CNTNAP2: variants seen among roughly 807,000 people sequenced by gnomAD.
CNTNAP2 encodes contactin-associated protein-like 2.
In CNTNAP2, 98 loss-of-function variants were observed where a neutral mutation model predicts 155.2. The observed-to-expected ratio is 0.63, with a 90% confidence interval of 0.54 to 0.75. CNTNAP2 has a LOEUF of 0.75. Ranked by LOEUF, CNTNAP2 falls within the 30% of genes least tolerant of loss-of-function variation. The pLI is 0.00. For missense variants in CNTNAP2, 1,727 were observed against 1,688.1 expected (o/e 1.02, Z -0.40); for synonymous variants, 651 against 631.2 (o/e 1.03, Z -0.47).
intron 1 of CNTNAP2, among the ~76,000 whole-genome samples, chr7:146,300,705 T>C (rs1444380557): frequency 6.6e-6 from 1 of 151,984 alleles, no homozygotes; most frequent in Non-Finnish European, 1.5e-5. Context: ...GGAGACATAA[T>C]TTGGAAATTT....
At chr7:148,158,569 G>A (rs190573677) in intron 17 of CNTNAP2, among the ~76,000 whole-genome samples, 4 of 152,200 alleles carry the variant, frequency 2.6e-5, no homozygotes, top group Admixed American at 2.6e-4. Context: ...AATCAACAGT[G>A]TACTTTTAAT....
At chr7:146,960,426 T>C (rs1366900204) in intron 3 of CNTNAP2, among the ~76,000 whole-genome samples, 5 of 152,186 alleles carry the variant, frequency 3.3e-5, no homozygotes, top group African/African-American at 1.2e-4. Context: ...TCCTGTACTT[T>C]TCTGTGCAGT....
intron 1 of CNTNAP2, among the ~76,000 whole-genome samples, chr7:146,233,463 T>TC (rs1554405481): frequency 6.8e-5 from 5 of 74,018 alleles, no homozygotes; most frequent in Non-Finnish European, 1.4e-4. Flanking sequence ...ACTCTGTGAC[T>TC]CTTTTTTTTT....
At chr7:146,896,747 ATAAT>A (rs545721905) in intron 3 of CNTNAP2, among the ~76,000 whole-genome samples, 28 of 152,134 alleles carry the variant, frequency 1.8e-4, no homozygotes, top group Non-Finnish European at 3.7e-4. Context: ...AATAATTCTG[ATAAT>A]TAGTTTATTT....
intron 13 of CNTNAP2, among the ~76,000 whole-genome samples, chr7:147,790,871 A>G (rs1797809208): frequency 6.6e-6 from 1 of 152,214 alleles, no homozygotes; most frequent in Non-Finnish European, 1.5e-5. Flanking sequence ...CATTTTGCAG[A>G]CGTTCCACAT....
chr7:147,219,814 C>T (rs1012158347), intron 8 of CNTNAP2, among the ~76,000 whole-genome samples: 6 of 152,088 alleles, frequency 3.9e-5, no homozygotes, highest in Non-Finnish European at 8.8e-5. Flanking sequence ...GACTCTCTGT[C>T]GCCCAGGCTG....
chr7:147,719,128 A>G (rs966860102), intron 13 of CNTNAP2, among the ~76,000 whole-genome samples: 1 of 152,126 alleles, frequency 6.6e-6, no homozygotes, highest in Non-Finnish European at 1.5e-5. Flanking sequence ...GCAAATACTA[A>G]TGGGTGCTCT....
At chr7:146,256,890 C>T (rs1215824369) in intron 1 of CNTNAP2, among the ~76,000 whole-genome samples, 1 of 152,116 alleles carries the variant, frequency 6.6e-6, no homozygotes, top group African/African-American at 2.4e-5. Flanking sequence ...CCTACTACAT[C>T]TCTAAGGCGT....
rs544329017 is a variant in CNTNAP2, at chr7:146,558,239, T to A, written c.98-216032T>A. ...TAGGTGCTGGGACATGTTGTGCACATGACAGAGGCCCCACGTGGTATCTTA... is the reference window on the plus strand; with the variant it reads ...TAGGTGCTGGGACATGTTGTGCACAAGACAGAGGCCCCACGTGGTATCTTA... On this transcript the variant is annotated intron_variant, in intron 1 of 23. Coordinates refer to ENST00000361727, the MANE Select transcript of CNTNAP2 (RefSeq NM_014141.6). Among the ~76,000 whole-genome samples the A allele has an allele frequency of 5.9e-5, 9 of 152,208 alleles. No individual in the cohort carries two copies. In the East Asian group the frequency reaches 1.7e-3, roughly 29 times the overall value.
intron 1 of CNTNAP2, among the ~76,000 whole-genome samples, chr7:146,359,562 A>G (rs559298167): frequency 1.3e-4 from 20 of 152,318 alleles, no homozygotes; most frequent in African/African-American, 3.6e-4. Flanking sequence ...CTTCACTCCA[A>G]TGTTATTATG....
intron 1 of CNTNAP2, among the ~76,000 whole-genome samples, chr7:146,738,573 A>G (rs1258018649): frequency 1.3e-5 from 2 of 151,906 alleles, no homozygotes; most frequent in African/African-American, 4.8e-5. Context: ...TGTCATATCT[A>G]AAAAGTTTTA....
intron 10 of CNTNAP2, among the ~76,000 whole-genome samples, chr7:147,396,883 C>T (rs1255499228): frequency 2.0e-5 from 3 of 151,946 alleles, no homozygotes; most frequent in Non-Finnish European, 4.4e-5. Flanking sequence ...AGATATTAAT[C>T]CTATCTCAGT....
chr7:147,924,345 G>T (rs1207101432), intron 14 of CNTNAP2, among the ~76,000 whole-genome samples: 2 of 151,754 alleles, frequency 1.3e-5, no homozygotes, highest in African/African-American at 4.8e-5. Context: ...CTCCATGTTG[G>T]TCAGGCTGGT....
chr7:147,087,501 A>G (rs530285905), intron 4 of CNTNAP2, among the ~76,000 whole-genome samples: 1 of 152,314 alleles, frequency 6.6e-6, no homozygotes, highest in South Asian at 2.1e-4. Context: ...CCTCACTTGC[A>G]TGGCTATTTG....
intron 1 of CNTNAP2, among the ~76,000 whole-genome samples, chr7:146,186,474 A>T (rs1464961): frequency 6.6e-6 from 1 of 152,030 alleles, no homozygotes; most frequent in Non-Finnish European, 1.5e-5. Flanking sequence ...TAGTTATTGA[A>T]GTCTACATTC....
intron 11 of CNTNAP2, among the ~76,000 whole-genome samples, chr7:147,502,806 G>T (rs1201190426): frequency 6.7e-6 from 1 of 149,608 alleles, no homozygotes; most frequent in Admixed American, 6.7e-5. Flanking sequence ...AATTTTATTT[G>T]TCATGTGTAC....
intron 18 of CNTNAP2, among the ~76,000 whole-genome samples, chr7:148,185,776 A>G (rs780299112): frequency 3.9e-5 from 6 of 152,246 alleles, no homozygotes; most frequent in Non-Finnish European, 7.3e-5. Flanking sequence ...AATGTCTCTT[A>G]TAAAGGAATC....
rs747481595 is a variant in CNTNAP2, at chr7:147,121,135, A to G, written c.911A>G (p.Glu304Gly). 1.2e-6 allele frequency: 2 copies of G among 1,614,144 alleles called. No homozygotes were observed. The highest frequency in any genetic ancestry group is 1.7e-6 in the Non-Finnish European group (2 of 1,180,016). ...ATGCAGCACTTCCGTACCAATGGAG[A>G]GTTTGACTACCTGGACTTGGACTAT... ...RSMQHFRTNG[E>G]FDYLDLDYEI... is the part of the protein sequence containing the mutation. The change falls in exon 6 of 24, where the codon GAG (glutamate) becomes GGG (glycine). Residue 304 changes from glutamate to glycine, a missense_variant. Physicochemically the swap from Glu to Gly is moderately conservative, Grantham distance 98. Transcript: ENST00000361727.
chr7:148,366,515 C>G (rs1220586933), intron 21 of CNTNAP2, among the ~76,000 whole-genome samples: 1 of 152,182 alleles, frequency 6.6e-6, no homozygotes, highest in African/African-American at 2.4e-5. Flanking sequence ...TTTTATTTCA[C>G]TCTTTCTATA....
Sources: gnomAD v4.1 joint callset for allele counts (sites outside exome capture counted in the v4.1 genomes callset) on GRCh38, gnomAD v4.1.1 for gene constraint, MANE v1.5 for transcripts, NCBI Gene and HGNC (gene_info 2026-07-23, HGNC 2026-07-21) for gene names.